Variants in ABLIM1 observed in about 807,000 individuals in gnomAD.
ABLIM1 encodes actin-binding LIM protein 1.
Under a neutral mutation model 107.0 loss-of-function variants are expected in ABLIM1, and 40 were observed. That is an observed-to-expected ratio of 0.37 (90% CI 0.29 to 0.49). The LOEUF (loss-of-function observed/expected upper bound fraction) is 0.49, where lower values mean the gene tolerates loss of function less well. Among genes scored for constraint, ABLIM1 ranks in the 20% least tolerant of loss-of-function variants. ABLIM1 has a pLI of 0.97. For missense variants in ABLIM1, 857 were observed against 1,008.5 expected (o/e 0.85, Z 2.04); for synonymous variants, 357 against 357.3 (o/e 1.00, Z 0.01).
At chr10:114,742,843 C>G (rs528192405) in intron 1 of ABLIM1, among the ~76,000 whole-genome samples, 11 of 152,196 alleles carry the variant, frequency 7.2e-5, no homozygotes, top group African/African-American at 2.2e-4. Context: ...GCACGAGAAT[C>G]GCTTGAACCT....
the ABLIM1 span, among the ~76,000 whole-genome samples, chr10:114,790,776 G>A: frequency 6.6e-6 from 1 of 152,168 alleles, no homozygotes; most frequent in Admixed American, 6.5e-5. Flanking sequence ...TTTGCTAAAT[G>A]GACCTACTAA....
chr10:114,631,196 C>T lies in ABLIM1; in HGVS notation c.244+26761G>A, dbSNP rs142317255. On this transcript the variant is annotated intron_variant, in intron 1 of 22. Coordinates refer to ENST00000533213, the MANE Select transcript of ABLIM1 (RefSeq NM_002313.7). The stretch of plus-strand genomic sequence containing the variant: ...TTTCACATTTCCCGGAGAAACAAAT[C>T]ATTTCAACTATCATTCAATTCTGAA... 2.7e-3 allele frequency among the ~76,000 whole-genome samples: 414 copies of T among 152,322 alleles called. 2 individuals are homozygous for T. The highest frequency in any genetic ancestry group is 9.1e-3 in the African/African-American group (379 of 41,580).
rs919726726 is a variant in ABLIM1 at position 114,436,464 on chromosome 10, A to AT, written c.2224-92dup. ...GTTGCTCTATAGTTTATACAGAGTC[A>AT]TTCTGAAGAACAAGGCAGGAGGACG... On this transcript the variant is annotated intron_variant, in intron 22 of 22. Coordinates refer to ENST00000533213, the MANE Select transcript of ABLIM1 (RefSeq NM_002313.7). The AT allele has an allele frequency of 1.7e-5, 16 of 942,710 alleles. No homozygotes were observed. In the East Asian group the frequency reaches 3.6e-4, roughly 21 times the overall value. The allele number at this position is 942,710 out of a possible 1,614,324, so 58.4% of individuals were successfully genotyped here.
intron 1 of ABLIM1, among the ~76,000 whole-genome samples, chr10:114,699,120 A>G (rs2081256985): frequency 6.7e-6 from 1 of 149,842 alleles, no homozygotes. Context: ...AAAAAAAAAA[A>G]GAATTGGAAT....
intron 6 of ABLIM1, among the ~76,000 whole-genome samples, chr10:114,498,505 A>T (rs2059981051): frequency 6.6e-6 from 1 of 152,180 alleles, no homozygotes; most frequent in African/African-American, 2.4e-5. Flanking sequence ...TCATCTGATA[A>T]CCTGCTTAGC....
rs200090370 is a variant in ABLIM1, at chr10:114,447,994, A to T, written c.1621T>A (p.Ser541Thr). ...HAALAAQSKS[S>T]EDIIKFSKFP... ...TTGGAAAACTTGATGATATCTTCTGAGGACTTGCTCTGGGCTGCCAAGGCA... is the reference window on the plus strand; with the variant it reads ...TTGGAAAACTTGATGATATCTTCTGTGGACTTGCTCTGGGCTGCCAAGGCA... The change falls in exon 15 of 23, where the codon TCA (serine) becomes ACA (threonine). Residue 541 changes from serine to threonine, a missense_variant. Ser to Thr is a moderately conservative substitution (Grantham distance 58, BLOSUM62 1). Around this residue, in one of 5 missense-constraint regions of ABLIM1, gnomAD observed 103 missense variants for 101.0 expected, o/e 1.02. Transcript: ENST00000533213. The T allele has an allele frequency of 6.2e-7, 1 of 1,614,118 alleles. No homozygotes were observed. Among genetic ancestry groups the T allele is most frequent in the African/African-American group, 1.3e-5 (1 of 75,018 alleles).
At chr10:114,685,669 C>T (rs2080916281), upstream of ABLIM1, among the ~76,000 whole-genome samples, 3 of 152,182 alleles carry the variant, frequency 2.0e-5, no homozygotes, top group South Asian at 2.1e-4. Context: ...CTGGATTGCT[C>T]GTTGATAAAA....
intron 4 of ABLIM1, among the ~76,000 whole-genome samples, chr10:114,559,174 A>T (rs995957970): frequency 1.3e-5 from 2 of 152,148 alleles, no homozygotes; most frequent in African/African-American, 4.8e-5. Context: ...CTGAAATCAA[A>T]AGAAGGGTTC....
intron 13 of ABLIM1, 21 bp from the exon 14 acceptor site, chr10:114,451,692 G>A (rs1318001234): frequency 6.2e-7 from 1 of 1,600,112 alleles, no homozygotes; most frequent in African/African-American, 1.3e-5. Context: ...GAAAAGCAAA[G>A]GTGTGTGATT....
chr10:114,504,546 C>T (rs1229114311), intron 6 of ABLIM1, among the ~76,000 whole-genome samples: 8 of 152,092 alleles, frequency 5.3e-5, no homozygotes, highest in African/African-American at 1.9e-4. Context: ...AAGGCCATCC[C>T]TTGAAAAATA....
At chr10:114,539,549 G>C (rs2066410706) in intron 6 of ABLIM1, among the ~76,000 whole-genome samples, 1 of 152,178 alleles carries the variant, frequency 6.6e-6, no homozygotes, top group Admixed American at 6.5e-5. Flanking sequence ...TTTAGGGTTG[G>C]AGATATGAGA....
intron 1 of ABLIM1, among the ~76,000 whole-genome samples, chr10:114,603,902 G>A (rs971072312): frequency 4.0e-5 from 6 of 148,172 alleles, no homozygotes; most frequent in East Asian, 2.0e-4. Context: ...GCAGTGAGCC[G>A]AGATCGCACC....
chr10:114,759,118 C>G (rs562341361), intron 1 of ABLIM1, among the ~76,000 whole-genome samples: 1 of 152,104 alleles, frequency 6.6e-6, no homozygotes, highest in Non-Finnish European at 1.5e-5. Flanking sequence ...TATTTTAATG[C>G]AGGGTTCAAT....
the ABLIM1 span, among the ~76,000 whole-genome samples, chr10:114,797,174 A>T: frequency 2.0e-5 from 3 of 152,198 alleles, no homozygotes; most frequent in African/African-American, 7.2e-5. Flanking sequence ...AAATTGTCAC[A>T]TCTACTTTCT....
Position 114,658,050 on chromosome 10 carries a change from C to T in ABLIM1, c.151G>A (p.Ala51Thr), listed in dbSNP as rs760288341. ...TGAGTGATAGTGGCACGCCTATGAG[C>T]GGTGAAGGAGGTCCCAGAGACCCTC... is the stretch of plus-strand genomic sequence containing the variant. ...DRRVSGTSFT[A>T]HRRATITHLL... The change falls in exon 1 of 23, where the codon GCT (alanine) becomes ACT (threonine). Residue 51 changes from alanine (A) to threonine (T), a missense_variant. Ala to Thr is a moderately conservative substitution (Grantham distance 58, BLOSUM62 0). Transcript: ENST00000533213. 4.5e-5 allele frequency: 73 copies of T among 1,614,030 alleles called. No individual in the cohort carries two copies. The highest frequency in any genetic ancestry group is 1.1e-4 in the African/African-American group (8 of 74,924).
intron 1 of ABLIM1, among the ~76,000 whole-genome samples, chr10:114,639,039 G>A (rs921503306): frequency 2.0e-5 from 3 of 152,154 alleles, no homozygotes; most frequent in Non-Finnish European, 4.4e-5. Context: ...GGTTTACAAA[G>A]CCTACATTTG....
At chr10:114,756,631 C>G (rs1280368977) in intron 1 of ABLIM1, among the ~76,000 whole-genome samples, 1 of 152,112 alleles carries the variant, frequency 6.6e-6, no homozygotes, top group Admixed American at 6.5e-5. Context: ...TTACATTTAA[C>G]TTCAGATGTT....
rs902800677 is a variant in ABLIM1, at chr10:114,434,514, C to T, written c.*1746G>A. On this transcript the variant is annotated 3_prime_UTR_variant, in exon 23 of 23. Coordinates refer to ENST00000533213, the MANE Select transcript of ABLIM1 (RefSeq NM_002313.7). ...AACTATTCTACTTGCTTTTTTACCA[C>T]TGGTGTCAGAGAGACAGCTTGTAAT... 3.3e-5 allele frequency: 5 copies of T among 152,176 alleles called. No individual in the cohort carries two copies. The highest frequency in any genetic ancestry group is 1.2e-4 in the African/African-American group (5 of 41,438). The allele number at this position is 152,176 out of a possible 1,614,324, so 9.4% of individuals were successfully genotyped here.
intron 1 of ABLIM1, among the ~76,000 whole-genome samples, chr10:114,720,260 A>C (rs111739788): frequency 3.8e-4 from 58 of 152,210 alleles, no homozygotes; most frequent in African/African-American, 1.3e-3. Flanking sequence ...CATTTTCTTT[A>C]TCCAGTCTAT....
Sources: gnomAD v4.1 joint callset for allele counts (sites outside exome capture counted in the v4.1 genomes callset) on GRCh38, gnomAD v4.1.1 for gene constraint, gnomAD v4.1.1 regional missense constraint, MANE v1.5 for transcripts, NCBI Gene and HGNC (gene_info 2026-07-23, HGNC 2026-07-21) for gene names.